The following DCC variants were observed in gnomAD, a reference collection of about 807,000 sequenced individuals.
The protein encoded by DCC is DCC netrin 1 receptor.
In DCC, 58 loss-of-function variants were observed where a neutral mutation model predicts 172.5. That is an observed-to-expected ratio of 0.34 (90% confidence interval 0.27 to 0.42). The LOEUF is 0.42. DCC is among the 10% of genes least tolerant of loss of function. DCC has a pLI of 1.00. For synonymous variants in DCC, 709 were observed against 644.5 expected, an observed-to-expected ratio of 1.10 and a Z score of -1.52; for missense variants, 1,740 against 1,791.0, an observed-to-expected ratio of 0.97 and a Z score of 0.51.
At chr18:52,898,375 G>C (rs1337326922) in intron 2 of DCC, among the ~76,000 whole-genome samples, 1 of 152,222 alleles carries the variant, frequency 6.6e-6, no homozygotes, top group African/African-American at 2.4e-5. Flanking sequence ...CATTCTGGGG[G>C]TGTGTGGGTG....
chr18:53,260,482 T>C (rs1350908234), intron 12 of DCC, among the ~76,000 whole-genome samples: 4 of 152,152 alleles, frequency 2.6e-5, no homozygotes, highest in Admixed American at 6.5e-5. Context: ...AGACACTTTT[T>C]GCCTGGGTAT....
intron 1 of DCC, among the ~76,000 whole-genome samples, chr18:52,393,472 T>C (rs534353161): frequency 1.3e-5 from 2 of 152,178 alleles, no homozygotes; most frequent in East Asian, 3.9e-4. Context: ...TTAATCTCTA[T>C]ATTATTTATA....
intron 2 of DCC, among the ~76,000 whole-genome samples, chr18:52,869,512 C>T (rs532261450): frequency 6.6e-6 from 1 of 152,314 alleles, no homozygotes; most frequent in African/African-American, 2.4e-5. Flanking sequence ...GGCAGCCTGG[C>T]CTCCAGCCTT....
rs539577237 is a variant in DCC, at chr18:52,693,086, G to A, written c.92-58968G>A. 9.9e-5 allele frequency among the ~76,000 whole-genome samples: 15 copies of A among 151,962 alleles called. No individual in the cohort carries two copies. The East Asian group carries it at 2.7e-3, about 28-fold the overall frequency. On this transcript the variant is annotated intron_variant, in intron 1 of 28. Coordinates refer to ENST00000442544, the MANE Select transcript of DCC (RefSeq NM_005215.4). ...TGATAAGTTAATGGCTGGTGTGTGG[G>A]GAGTCAGATTTCTTAACGTTAGGGA...
intron 1 of DCC, among the ~76,000 whole-genome samples, chr18:52,467,333 G>A (rs1988815712): frequency 6.6e-6 from 1 of 152,058 alleles, no homozygotes; most frequent in African/African-American, 2.4e-5. Flanking sequence ...TGCTGAGAAT[G>A]AATTTTTCCA....
chr18:52,806,578 C>G (rs2038088444), intron 2 of DCC, among the ~76,000 whole-genome samples: 1 of 152,164 alleles, frequency 6.6e-6, no homozygotes, highest in Non-Finnish European at 1.5e-5. Context: ...AGAGCCAGAA[C>G]TTCACAGATA....
intron 1 of DCC, among the ~76,000 whole-genome samples, chr18:52,465,270 C>T (rs76804681): frequency 3.3e-5 from 5 of 152,100 alleles, no homozygotes; most frequent in Non-Finnish European, 5.9e-5. Flanking sequence ...AATGTATTCT[C>T]CAAAAGTTGG....
chr18:53,065,043 A>G (rs888610795), intron 6 of DCC, among the ~76,000 whole-genome samples: 26 of 152,076 alleles, frequency 1.7e-4, no homozygotes, highest in Admixed American at 9.2e-4. Context: ...ATTTGCATTA[A>G]ATTGTGCTTA....
chr18:53,364,632 G>A (rs2057982652), intron 15 of DCC, among the ~76,000 whole-genome samples: 1 of 151,886 alleles, frequency 6.6e-6, no homozygotes, highest in Non-Finnish European at 1.5e-5. Flanking sequence ...TGGTGACTCG[G>A]GGGAAAAATA....
chr18:52,539,716 A>G (rs1427280934), intron 1 of DCC, among the ~76,000 whole-genome samples: 1 of 152,248 alleles, frequency 6.6e-6, no homozygotes, highest in Non-Finnish European at 1.5e-5. Context: ...ATAATGATGT[A>G]GTTAATAACA....
intron 27 of DCC, among the ~76,000 whole-genome samples, chr18:53,518,017 A>C (rs975594343): frequency 3.3e-5 from 5 of 152,162 alleles, no homozygotes; most frequent in African/African-American, 1.2e-4. Context: ...TGCCCTCAAA[A>C]GTTCCTTGCC....
chr18:53,188,643 C>T (rs2055321983), intron 9 of DCC, among the ~76,000 whole-genome samples: 1 of 152,080 alleles, frequency 6.6e-6, no homozygotes, highest in South Asian at 2.1e-4. Context: ...CTAGGGCTAC[C>T]TTAACAAAGT....
At chr18:52,784,898 G>A (rs1324628261) in intron 2 of DCC, among the ~76,000 whole-genome samples, 1 of 148,794 alleles carries the variant, frequency 6.7e-6, no homozygotes, top group African/African-American at 2.5e-5. Flanking sequence ...AGGTCCTAGG[G>A]AGGTGGAGGG....
chr18:52,509,405 G>A (rs983544039), intron 1 of DCC, among the ~76,000 whole-genome samples: 8 of 151,970 alleles, frequency 5.3e-5, no homozygotes, highest in African/African-American at 1.5e-4. Flanking sequence ...TCTGTGGCTC[G>A]TATTACATCT....
At chr18:53,173,445 C>T (rs1357335728) in intron 8 of DCC, among the ~76,000 whole-genome samples, 1 of 151,948 alleles carries the variant, frequency 6.6e-6, no homozygotes, top group Non-Finnish European at 1.5e-5. Flanking sequence ...GCACATGTAC[C>T]TTGTTGTGCT....
At chr18:52,798,550 T>TA (rs553222827) in intron 2 of DCC, among the ~76,000 whole-genome samples, 1 of 151,894 alleles carries the variant, frequency 6.6e-6, no homozygotes, top group Non-Finnish European at 1.5e-5. Flanking sequence ...TTTTCTTTGT[T>TA]AAAAAATAAA....
chr18:53,464,080 C>T (rs1445083515), intron 24 of DCC, among the ~76,000 whole-genome samples: 1 of 152,184 alleles, frequency 6.6e-6, no homozygotes, highest in Admixed American at 6.5e-5. Context: ...CTTCATGATA[C>T]ATCTCTTCTA....
At position 52,778,670 on chromosome 18, in the gene DCC, A is replaced by G. The variant is rs1484694416; in HGVS notation, c.412+26296A>G. 2.0e-5 allele frequency among the ~76,000 whole-genome samples: 3 copies of G among 152,114 alleles called. 1 individual carries two copies. Among genetic ancestry groups the G allele is most frequent in the Admixed American group, 6.6e-5 (1 of 15,264 alleles). ...AGAGGCATAATTTGAGTAATTGCCT[A>G]GTTTTTTCTTTTTCTTTTCTCGTCA... On this transcript the variant is annotated intron_variant, in intron 2 of 28. Coordinates refer to ENST00000442544, the MANE Select transcript of DCC (RefSeq NM_005215.4).
intron 2 of DCC, among the ~76,000 whole-genome samples, chr18:52,886,926 C>T (rs900661281): frequency 2.6e-5 from 4 of 151,962 alleles, no homozygotes; most frequent in African/African-American, 9.7e-5. Flanking sequence ...CTTGTAGGTC[C>T]CACAAAAACA....
Sources: allele counts gnomAD v4.1 joint callset (sites outside exome capture counted in the v4.1 genomes callset), GRCh38; gene constraint gnomAD v4.1.1; transcripts MANE v1.5; gene names NCBI Gene and HGNC (gene_info 2026-07-23, HGNC 2026-07-21).